The following RIMBP2 variants were observed in gnomAD, a reference collection of about 807,000 sequenced individuals.
RIMBP2 encodes RIMS-binding protein 2.
RIMBP2 carries 48 observed loss-of-function variants against 118.6 expected under a neutral mutation model. The observed-to-expected ratio is 0.40, with a 90% confidence interval of 0.32 to 0.51. The LOEUF is 0.51. Ranked by LOEUF, RIMBP2 falls within the 20% of genes least tolerant of loss-of-function variation. The pLI, the probability that RIMBP2 is intolerant of heterozygous loss-of-function variation, is 0.41. For synonymous variants in RIMBP2, 762 were observed against 742.9 expected (o/e 1.03, Z -0.42); for missense variants, 1,551 against 1,768.3 (o/e 0.88, Z 2.20).
chr12:130,648,451 C>G (rs1209561230), intron 1 of RIMBP2, among the ~76,000 whole-genome samples: 1 of 145,202 alleles, frequency 6.9e-6, no homozygotes, highest in Admixed American at 6.9e-5. Flanking sequence ...TTCGTAATAT[C>G]CCCTTAAAAT....
intron 1 of RIMBP2, among the ~76,000 whole-genome samples, chr12:130,695,481 C>G (rs1180651151): frequency 6.6e-6 from 1 of 152,226 alleles, no homozygotes; most frequent in East Asian, 1.9e-4. Context: ...CCGGCTCCCA[C>G]CTGCAATCCC....
In RIMBP2 at chr12:130,412,548, T is replaced by C. The variant is rs139379431; in HGVS notation, c.3589+71A>G. Reference sequence around the variant, plus strand: ...AATTTGGGGTCTCCTCATCACCGCCTGCCTCTCTGAGCGGCAGGTGTTTTG... The same window carrying C: ...AATTTGGGGTCTCCTCATCACCGCCCGCCTCTCTGAGCGGCAGGTGTTTTG... On this transcript the variant is annotated intron_variant, in intron 19 of 22. Transcript: ENST00000690449. 33 of 1,417,758 alleles carry C rather than the reference T, an allele frequency of 2.3e-5. No individual in the cohort carries two copies. In the East Asian group the frequency reaches 3.0e-4, roughly 13 times the overall value. 87.8% of individuals were successfully genotyped at this position (1,417,758 alleles called of 1,614,324 possible). A position where few individuals can be genotyped will look rare whatever the true frequency, so the allele number is the denominator to read the frequency against.
At chr12:130,697,618 C>T (rs1470409402) in intron 1 of RIMBP2, among the ~76,000 whole-genome samples, 1 of 152,158 alleles carries the variant, frequency 6.6e-6, no homozygotes, top group East Asian at 1.9e-4. Context: ...TTGTCCTTGT[C>T]CTTCCTAAAT....
Position 130,403,385 on chromosome 12 carries a change from G to T in RIMBP2, c.3765+2787C>A, listed in dbSNP as rs147460668. ...TAAAAACTTAGGGAAGACTATTCAA[G>T]AAACTAAGAAGATAAAACATAACTG... On this transcript the variant is annotated intron_variant, in intron 21 of 22. Transcript: ENST00000690449. Among the ~76,000 whole-genome samples, 190 of 152,226 alleles carry T rather than the reference G, an allele frequency of 1.2e-3. 1 individual carries two copies. Among genetic ancestry groups the T allele is most frequent in the African/African-American group, 4.3e-3 (178 of 41,542 alleles).
chr12:130,536,412 C>T (rs2054090209), intron 2 of RIMBP2, among the ~76,000 whole-genome samples: 2 of 152,190 alleles, frequency 1.3e-5, no homozygotes, highest in African/African-American at 4.8e-5. Context: ...ACCAAGCTCT[C>T]GCTGGATTTT....
At chr12:130,492,042 G>A (rs2048695443) in intron 4 of RIMBP2, among the ~76,000 whole-genome samples, 1 of 152,160 alleles carries the variant, frequency 6.6e-6, no homozygotes, top group Admixed American at 6.5e-5. Flanking sequence ...GTGCTTGGAT[G>A]CTGCCTTGCC....
chr12:130,708,805 C>A (rs1433496234), intron 1 of RIMBP2, among the ~76,000 whole-genome samples: 2 of 152,198 alleles, frequency 1.3e-5, no homozygotes, highest in Non-Finnish European at 2.9e-5. Flanking sequence ...TTTCAGAGCT[C>A]CCTGGGACTG....
At chr12:130,707,145 C>G (rs1009840672) in intron 1 of RIMBP2, among the ~76,000 whole-genome samples, 1 of 152,180 alleles carries the variant, frequency 6.6e-6, no homozygotes, top group Non-Finnish European at 1.5e-5. Context: ...AGGGGACACC[C>G]AGGCCTGAGA....
intron 2 of RIMBP2, among the ~76,000 whole-genome samples, chr12:130,570,185 A>G (rs1009570943): frequency 6.6e-6 from 1 of 152,126 alleles, no homozygotes; most frequent in Non-Finnish European, 1.5e-5. Flanking sequence ...GCACTTTAGG[A>G]TGCCAAGGCA....
Position 130,419,316 on chromosome 12 carries a change from A to G in RIMBP2, c.3238+3137T>C, listed in dbSNP as rs2076280274. Among the ~76,000 whole-genome samples the G allele has an allele frequency of 6.6e-6, 1 of 152,126 alleles. No homozygotes were observed. Among genetic ancestry groups the G allele is most frequent in the South Asian group, 2.1e-4 (1 of 4,822 alleles). On this transcript the variant is annotated intron_variant, in intron 17 of 22. Transcript: ENST00000690449. The surrounding 1 kb of genome is among the most constrained non-coding windows in gnomAD (Gnocchi z 4.3). ...TGTGCTGGCCCAAGGGGTCTTTGTT[A>G]GGAGGAAGGGTGTGCATATCGTGTG...
chr12:130,534,181 A>AAAGAG (rs776104817), intron 2 of RIMBP2, among the ~76,000 whole-genome samples: 1 of 93,922 alleles, frequency 1.1e-5, no homozygotes, highest in Non-Finnish European at 2.1e-5. Flanking sequence ...AAAAAAAAAA[A>AAAGAG]AGAGAGAGAG....
intron 2 of RIMBP2, among the ~76,000 whole-genome samples, chr12:130,602,812 T>A (rs1336342294): frequency 6.6e-6 from 1 of 152,218 alleles, no homozygotes; most frequent in African/African-American, 2.4e-5. Flanking sequence ...TCTTTTAGCA[T>A]AAACAGAGAA....
intron 2 of RIMBP2, among the ~76,000 whole-genome samples, chr12:130,538,723 G>C (rs2054293211): frequency 6.6e-6 from 1 of 152,156 alleles, no homozygotes; most frequent in Non-Finnish European, 1.5e-5. Flanking sequence ...GCTGCTGCCA[G>C]GCCTGGGCAG....
chr12:130,684,667 C>T (rs980724372), intron 1 of RIMBP2, among the ~76,000 whole-genome samples: 1 of 152,174 alleles, frequency 6.6e-6, no homozygotes, highest in African/African-American at 2.4e-5. Context: ...AGAAACATTC[C>T]TAATTTTGCT....
In RIMBP2 at chr12:130,442,110, C is replaced by G. The variant is rs773767882; in HGVS notation, c.1242G>C (p.Leu414=). The G allele has an allele frequency of 3.7e-6, 6 of 1,614,144 alleles. No individual in the cohort carries two copies. ...GKDVVVAPSH[L]RVDNITQISA... is the part of the protein sequence containing the mutation. ...AGATCTGCGTGATGTTGTCCACCCG[C>G]AGGTGGGAGGGGGCCACCACCACGT... is the stretch of plus-strand genomic sequence containing the variant. The change falls in exon 11 of 23, where the codon CTG becomes CTC. Residue 414 remains leucine, a synonymous_variant. Coordinates refer to ENST00000690449, the MANE Select transcript of RIMBP2 (RefSeq NM_001393629.1). This position sits in a 1 kb window ranked among gnomAD's most constrained non-coding sequence, Gnocchi z 6.9.
intron 1 of RIMBP2, among the ~76,000 whole-genome samples, chr12:130,697,992 G>A (rs1331378957): frequency 6.6e-6 from 1 of 152,182 alleles, no homozygotes; most frequent in Non-Finnish European, 1.5e-5. Context: ...GCAGGGATTT[G>A]AGCCGTCTTC....
Position 130,404,626 on chromosome 12 carries a change from G to C in RIMBP2, c.3765+1546C>G, listed in dbSNP as rs939573859. Among the ~76,000 whole-genome samples, 8 of 152,318 alleles carry C rather than the reference G, an allele frequency of 5.3e-5. No individual in the cohort carries two copies. In the East Asian group the frequency reaches 1.2e-3, roughly 22 times the overall value. On this transcript the variant is annotated intron_variant, in intron 21 of 22. Transcript: ENST00000690449. ...AAGAGTAAACTTAAGATATATAAAG[G>C]ATGCGTAAGAATAAATCTATGAATC... is the stretch of plus-strand genomic sequence containing the variant.
intron 2 of RIMBP2, among the ~76,000 whole-genome samples, chr12:130,590,966 T>G (rs2059219193): frequency 6.6e-6 from 1 of 152,170 alleles, no homozygotes; most frequent in Admixed American, 6.5e-5. Flanking sequence ...GGATGCAGAC[T>G]CTAGCGTTCA....
Position 130,445,176 on chromosome 12 carries a change from C to G in RIMBP2, c.675G>C (p.Glu225Asp). Residue 225 changes from glutamate to aspartate, a missense_variant, in exon 10 of 23, where the codon GAG becomes GAC. By Grantham distance (45) the Glu-to-Asp change is conservative. Coordinates refer to ENST00000690449, the MANE Select transcript of RIMBP2 (RefSeq NM_001393629.1). ...AACAGAGACCTTCATAGAACCCATC[C>G]TCATCCATGTCTCCATAGACGTAGA... Reference protein sequence around the residue: ...KYLYVYGDMDEDGFYEGELLD... With the variant: ...KYLYVYGDMDDDGFYEGELLD... 2 of 1,609,414 alleles carry G rather than the reference C, an allele frequency of 1.2e-6. No homozygotes were observed. The highest frequency in any genetic ancestry group is 1.7e-6 in the Non-Finnish European group (2 of 1,177,874).
Sources: allele counts gnomAD v4.1 joint callset (sites outside exome capture counted in the v4.1 genomes callset), GRCh38; gene constraint gnomAD v4.1.1; non-coding constraint Gnocchi (gnomAD v3.1); transcripts MANE v1.5; gene names NCBI Gene and HGNC (gene_info 2026-07-23, HGNC 2026-07-21).